AHCY: variants seen among roughly 807,000 people sequenced by gnomAD.
The protein encoded by AHCY is adenosylhomocysteinase.
In AHCY, 24 loss-of-function variants were observed where a neutral mutation model predicts 45.4. That is an observed-to-expected ratio of 0.53 (90% CI 0.38 to 0.74). AHCY has a LOEUF of 0.74. Ranked by LOEUF, AHCY falls within the 30% of genes least tolerant of loss-of-function variation. AHCY has a pLI of 0.00. For synonymous variants in AHCY, 245 were observed against 235.1 expected (o/e 1.04, Z -0.39); for missense variants, 449 against 594.1 (o/e 0.76, Z 2.54).
the AHCY span, among the ~76,000 whole-genome samples, chr20:34,271,814 C>T: frequency 1.5e-4 from 23 of 152,080 alleles, no homozygotes; most frequent in Non-Finnish European, 3.1e-4. Flanking sequence ...ATCTGCCCAC[C>T]TCAGCCTCCC....
At chr20:34,310,953 CCATCTCTA>C (rs560476889) in intron 1 of AHCY, among the ~76,000 whole-genome samples, 177 of 152,246 alleles carry the variant, frequency 1.2e-3, no homozygotes, top group Non-Finnish European at 2.3e-3. Context: ...TGGCGAAATC[CCATCTCTA>C]CTAAAAATAC....
the AHCY span, among the ~76,000 whole-genome samples, chr20:34,255,635 T>C: frequency 2.6e-3 from 391 of 152,350 alleles, 2 homozygotes; most frequent in African/African-American, 8.6e-3. Context: ...AATATTATAA[T>C]AATCTTTGTT....
chr20:34,307,564 G>C (rs1392547796), upstream of AHCY, among the ~76,000 whole-genome samples: 1 of 152,038 alleles, frequency 6.6e-6, no homozygotes, highest in Non-Finnish European at 1.5e-5. Flanking sequence ...TAGAGATGGG[G>C]TTTCTCCATG....
chr20:34,273,899 T>C, the AHCY span, among the ~76,000 whole-genome samples: 1 of 152,242 alleles, frequency 6.6e-6, no homozygotes, highest in Admixed American at 6.5e-5. Context: ...AGGAGGTTTC[T>C]ATTAATTGAT....
the AHCY span, among the ~76,000 whole-genome samples, chr20:34,256,734 CCTAATTTATAACATGCCTCTT>C: frequency 6.6e-6 from 1 of 152,200 alleles, no homozygotes; most frequent in African/African-American, 2.4e-5. Flanking sequence ...CGTACCGCCT[CCTAATTTATAACATGCCTCTT>C]GTAACTTGCC....
chr20:34,267,706 ATTTTTAGTAGAGACGGGT>A, the AHCY span, among the ~76,000 whole-genome samples: 2 of 151,862 alleles, frequency 1.3e-5, no homozygotes, highest in Admixed American at 1.3e-4. Context: ...TAATTTTTGT[ATTTTTAGTAGAGACGGGT>A]TTCTCCATGT....
At chr20:34,299,422 C>T (rs948495287) in intron 1 of AHCY, among the ~76,000 whole-genome samples, 4 of 152,196 alleles carry the variant, frequency 2.6e-5, no homozygotes, top group Non-Finnish European at 4.4e-5. Flanking sequence ...TGTGCTTTTC[C>T]ACCTACCTTC....
At chr20:34,235,858 AAGGAAGGAAAGG>A in the AHCY span, among the ~76,000 whole-genome samples, 42 of 35,422 alleles carry the variant, frequency 1.2e-3, no homozygotes, top group African/African-American at 3.0e-3. Context: ...GGAAGGAAGG[AAGGAAGGAAAGG>A]AAGGAAGGAA....
the AHCY span, among the ~76,000 whole-genome samples, chr20:34,253,617 A>G: frequency 6.6e-6 from 1 of 151,872 alleles, no homozygotes; most frequent in Non-Finnish European, 1.5e-5. Flanking sequence ...GATTATAGGC[A>G]TGCACCACCA....
At position 34,291,258 on chromosome 20, in the gene AHCY, A is replaced by G. The variant is rs61026721; in HGVS notation, c.558+161T>C. ...AAAGCTCCTAACACCCAGCTCTGAC[A>G]CCCCTTTTAAACGCACTCATTAGCC... On this transcript the variant is annotated intron_variant, in intron 5 of 9. Coordinates refer to ENST00000217426, the MANE Select transcript of AHCY (RefSeq NM_000687.4). 1.0e-3 allele frequency among the ~76,000 whole-genome samples: 158 copies of G among 152,068 alleles called. 1 individual carries two copies. The highest frequency in any genetic ancestry group is 9.6e-3 in the Admixed American group (146 of 15,274).
At chr20:34,266,318 C>G in the AHCY span, among the ~76,000 whole-genome samples, 1 of 150,878 alleles carries the variant, frequency 6.6e-6, no homozygotes, top group African/African-American at 2.4e-5. Flanking sequence ...CCACTACACT[C>G]CAGCCTGGGT....
the AHCY span, chr20:34,268,960 G>C: frequency 1.3e-6 from 2 of 1,575,956 alleles, no homozygotes; most frequent in African/African-American, 2.7e-5. Flanking sequence ...GGGCGTGGCC[G>C]GCTCATAAAG....
At chr20:34,277,009 G>T (rs2035914883), downstream of AHCY, among the ~76,000 whole-genome samples, 4 of 152,174 alleles carry the variant, frequency 2.6e-5, no homozygotes, top group South Asian at 8.3e-4. Flanking sequence ...GCTTCCTGGA[G>T]TCCTCACTGG....
chr20:34,304,922 A>G (rs970358866), upstream of AHCY, among the ~76,000 whole-genome samples: 3 of 151,598 alleles, frequency 2.0e-5, no homozygotes, highest in African/African-American at 4.8e-5. Flanking sequence ...TCCCGACCTC[A>G]GGTGATCCGC....
the AHCY span, among the ~76,000 whole-genome samples, chr20:34,243,758 TAAAAAA>T: frequency 3.0e-5 from 4 of 134,048 alleles, no homozygotes; most frequent in African/African-American, 7.9e-5. Context: ...ATATTGTATT[TAAAAAA>T]AAAAAAAAAA....
the AHCY span, among the ~76,000 whole-genome samples, chr20:34,239,713 A>G: frequency 1.3e-5 from 2 of 152,058 alleles, no homozygotes; most frequent in Admixed American, 1.3e-4. Context: ...AGATCTCCTG[A>G]CTCCCTATTC....
At chr20:34,279,664 GAATT>G (rs1157717789), downstream of AHCY, among the ~76,000 whole-genome samples, 4 of 152,170 alleles carry the variant, frequency 2.6e-5, no homozygotes, top group African/African-American at 7.2e-5. Flanking sequence ...GAAAAGGTAA[GAATT>G]AATTGTCAGG....
At chr20:34,263,292 C>T in the AHCY span, among the ~76,000 whole-genome samples, 1 of 152,168 alleles carries the variant, frequency 6.6e-6, no homozygotes, top group Non-Finnish European at 1.5e-5. Context: ...AGGCCGGATG[C>T]GGTGGCTCAC....
the AHCY span, among the ~76,000 whole-genome samples, chr20:34,258,779 G>GAGTAT: frequency 1.2e-5 from 1 of 80,322 alleles, no homozygotes; most frequent in African/African-American, 7.1e-5. Context: ...AATATATATA[G>GAGTAT]TATATATATA....
Sources: allele counts gnomAD v4.1 joint callset (sites outside exome capture counted in the v4.1 genomes callset), GRCh38; gene constraint gnomAD v4.1.1; transcripts MANE v1.5; gene names NCBI Gene and HGNC (gene_info 2026-07-23, HGNC 2026-07-21).